Variants in NUP98 observed in about 807,000 individuals in gnomAD.
NUP98 encodes the protein nuclear pore complex protein Nup98-Nup96.
A neutral mutation model predicts 191.9 loss-of-function variants in NUP98; 26 were observed. The observed-to-expected ratio is 0.14, with a 90% CI of 0.10 to 0.19. The LOEUF (loss-of-function observed/expected upper bound fraction) is 0.19, where lower values mean the gene tolerates loss of function less well. Ranked by LOEUF, NUP98 falls within the 10% of genes least tolerant of loss-of-function variation. NUP98 has a pLI of 1.00. For missense variants in NUP98, 1,941 were observed against 2,178.8 expected (o/e 0.89, Z 2.17); for synonymous variants, 808 against 778.4 (o/e 1.04, Z -0.63).
At chr11:3,689,754 C>T (rs1311506526) in intron 28 of NUP98, among the ~76,000 whole-genome samples, 1 of 151,878 alleles carries the variant, frequency 6.6e-6, no homozygotes, top group Admixed American at 6.6e-5. Context: ...GATCCTCCAC[C>T]CTCAGCCTCC....
chr11:3,691,364 T>C lies in NUP98; in HGVS notation c.4437A>G (p.Leu1479=), dbSNP rs1564809269. 1 of 1,614,162 alleles carries C rather than the reference T, an allele frequency of 6.2e-7. No homozygotes were observed. Among genetic ancestry groups the C allele is most frequent in the Non-Finnish European group, 8.5e-7 (1 of 1,180,038 alleles). ...TCATTTACCTGTCACTGTAGAGTTT[T>C]AGAAGGTGAAAGCAGACATCTCGAA... is the stretch of plus-strand genomic sequence containing the variant. ...TPLRDVCFHL[L]KLYSDRHYDL... Residue 1479 remains leucine (L), a synonymous_variant, in exon 28 of 33, where the codon CTA becomes CTG. Transcript: ENST00000324932.
At chr11:3,776,482 ATTTCT>A (rs2081735531) in intron 4 of NUP98, among the ~76,000 whole-genome samples, 1 of 142,726 alleles carries the variant, frequency 7.0e-6, no homozygotes, top group African/African-American at 2.7e-5. Context: ...TCAAATAGAA[ATTTCT>A]TTTTTTTTTT....
chr11:3,688,654 G>A (rs1485585930), intron 28 of NUP98, among the ~76,000 whole-genome samples: 1 of 150,328 alleles, frequency 6.7e-6, no homozygotes, highest in Non-Finnish European at 1.5e-5. Context: ...AATTAGCTGG[G>A]CTTTGTGGCG....
intron 7 of NUP98, 79 bp from the exon 8 acceptor site, chr11:3,768,823 T>C (rs2081424592): frequency 8.8e-6 from 10 of 1,140,982 alleles, no homozygotes; most frequent in Non-Finnish European, 1.2e-5. Context: ...AACCTTCCAT[T>C]ATCCAGTTGT....
intron 14 of NUP98, among the ~76,000 whole-genome samples, chr11:3,729,443 C>T (rs11029534): frequency 0.18 from 26,592 of 147,738 alleles, 2,515 homozygotes; most frequent in Non-Finnish European, 0.22. Context: ...GGTAGCTGGG[C>T]GTGGTAGCTC....
intron 19 of NUP98, among the ~76,000 whole-genome samples, chr11:3,713,286 T>G (rs1017746218): frequency 2.6e-5 from 4 of 152,232 alleles, no homozygotes; most frequent in Non-Finnish European, 5.9e-5. Flanking sequence ...TATTTATAAA[T>G]CCTCATAGGA....
intron 29 of NUP98, 35 bp from the exon 30 acceptor site, chr11:3,683,476 C>T: frequency 6.2e-7 from 1 of 1,609,724 alleles, no homozygotes; most frequent in Non-Finnish European, 8.5e-7. Context: ...AAATCCCATC[C>T]TCATTCATGG....
At chr11:3,688,489 A>G (rs2078197199) in intron 28 of NUP98, among the ~76,000 whole-genome samples, 1 of 151,550 alleles carries the variant, frequency 6.6e-6, no homozygotes, top group African/African-American at 2.4e-5. Flanking sequence ...GCTACATTCT[A>G]TATAATTAAT....
intron 10 of NUP98, among the ~76,000 whole-genome samples, chr11:3,757,113 A>ATATATCTATATC (rs552597044): frequency 7.5e-6 from 1 of 132,678 alleles, no homozygotes; most frequent in African/African-American, 3.1e-5. Context: ...ATATATATCT[A>ATATATCTATATC]TATATCTATA....
intron 29 of NUP98, among the ~76,000 whole-genome samples, chr11:3,685,442 A>C (rs2078108711): frequency 6.6e-6 from 1 of 152,258 alleles, no homozygotes; most frequent in African/African-American, 2.4e-5. Context: ...CCGTGGAGTC[A>C]CTGAGGCAGC....
intron 22 of NUP98, among the ~76,000 whole-genome samples, chr11:3,704,628 C>G (rs2078803875): frequency 6.6e-6 from 1 of 152,208 alleles, no homozygotes; most frequent in Non-Finnish European, 1.5e-5. Context: ...CAAACAAAAA[C>G]ATGAACCTAA....
intron 26 of NUP98, 100 bp from the exon 27 acceptor site, chr11:3,693,475 TTAAATGATTCAGATA>T: frequency 8.5e-7 from 1 of 1,169,800 alleles, no homozygotes; most frequent in East Asian, 2.4e-5. Flanking sequence ...AAGGAACATT[TTAAATGATTCAGATA>T]TAAAATATAC....
chr11:3,709,961 CTT>C (rs1304173784), intron 20 of NUP98, among the ~76,000 whole-genome samples: 9 of 119,042 alleles, frequency 7.6e-5, no homozygotes, highest in African/African-American at 2.8e-4. Context: ...TACCCTAAAA[CTT>C]AAAGTACAAT....
At chr11:3,682,001 C>G (rs1322033445) in intron 30 of NUP98, among the ~76,000 whole-genome samples, 1 of 152,194 alleles carries the variant, frequency 6.6e-6, no homozygotes, top group East Asian at 1.9e-4. Context: ...CTTGCTGTAC[C>G]TTCTCCATCA....
chr11:3,751,353 C>T (rs2080743439), intron 11 of NUP98, among the ~76,000 whole-genome samples: 2 of 151,266 alleles, frequency 1.3e-5, no homozygotes, highest in East Asian at 2.0e-4. Flanking sequence ...AGCAAAACTC[C>T]GACTCAAAAA....
chr11:3,691,819 G>C (rs2078320116), intron 27 of NUP98, among the ~76,000 whole-genome samples: 1 of 152,144 alleles, frequency 6.6e-6, no homozygotes, highest in Non-Finnish European at 1.5e-5. Context: ...CTCCCAAAGT[G>C]CTGGGATTAG....
chr11:3,744,823 T>G (rs112708590), intron 11 of NUP98, among the ~76,000 whole-genome samples, 174 bp from the exon 12 acceptor site: 1,933 of 152,354 alleles, frequency 0.013, 20 homozygotes, highest in Non-Finnish European at 0.02. Context: ...CTCAGTACAT[T>G]ATACACATCA....
chr11:3,731,674 G>C, intron 13 of NUP98, 96 bp from the exon 14 acceptor site: 1 of 784,364 alleles, frequency 1.3e-6, no homozygotes, highest in Non-Finnish European at 1.9e-6. Flanking sequence ...CCTCATCTTT[G>C]TCATTCACCT....
At chr11:3,679,759 A>C (rs2077931522) in intron 30 of NUP98, 51 bp from the exon 31 acceptor site, 1 of 1,557,860 alleles carries the variant, frequency 6.4e-7, no homozygotes, top group Admixed American at 1.9e-5. Flanking sequence ...CATAGTTTCC[A>C]AAAGTACAGA....
Sources: gnomAD v4.1 joint callset for allele counts (sites outside exome capture counted in the v4.1 genomes callset) on GRCh38, gnomAD v4.1.1 for gene constraint, MANE v1.5 for transcripts, NCBI Gene and HGNC (gene_info 2026-07-23, HGNC 2026-07-21) for gene names.